The following CLN3 variants were observed in gnomAD, a reference collection of about 807,000 sequenced individuals.
CLN3 encodes CLN3 lysosomal/endosomal transmembrane protein, battenin.
CLN3 carries 49 observed loss-of-function variants against 60.7 expected under a neutral mutation model. The ratio of observed to expected loss-of-function variants is 0.81; its 90% confidence interval spans 0.64 to 1.02. The LOEUF is 1.02. Among genes scored for constraint, CLN3 ranks in the 50% least tolerant of loss-of-function variants. The probability of loss-of-function intolerance (pLI) is 0.00; values close to 1 mark genes in which losing one functional copy is unlikely to be tolerated. For missense variants in CLN3, 516 were observed against 557.4 expected (o/e 0.93, Z 0.75); for synonymous variants, 256 against 245.8 (o/e 1.04, Z -0.39).
chr16:28,489,877 A>C (rs2046283765), intron 3 of CLN3, among the ~76,000 whole-genome samples: 1 of 150,966 alleles, frequency 6.6e-6, no homozygotes, highest in Admixed American at 6.6e-5. Context: ...AGCAATATGG[A>C]GAAACCCCGT....
chr16:28,491,093 A>G (rs199745492), intron 3 of CLN3: 13 of 79,504 alleles, frequency 1.6e-4, no homozygotes, highest in Non-Finnish European at 3.4e-4. Context: ...AATAAGATAA[A>G]ATAAAATAAA....
At position 28,487,489 on chromosome 16, in the gene CLN3, C is replaced by T. The variant is rs904694610; in HGVS notation, c.427G>A (p.Ala143Thr). ...ICAAGSFVLV[A>T]FSHSVGTSLC... Reference sequence around the variant, plus strand: ...CTGGTCCCCACAGAATGAGAAAAGGCAACCAGGACGAAGCTTCCAGCAGCA... The same window carrying T: ...CTGGTCCCCACAGAATGAGAAAAGGTAACCAGGACGAAGCTTCCAGCAGCA... Residue 143 changes from alanine (A) to threonine (T), a missense_variant, in exon 7 of 16, where the codon GCC becomes ACC. Transcript: ENST00000636147. 2 of 1,614,024 alleles carry T rather than the reference C, an allele frequency of 1.2e-6. No individual in the cohort carries two copies. Among genetic ancestry groups the T allele is most frequent in the Middle Eastern group, 1.7e-4 (1 of 6,060 alleles).
chr16:28,488,543 A>T, intron 5 of CLN3, 48 bp downstream of exon 5: 1 of 1,569,570 alleles, frequency 6.4e-7, no homozygotes, highest in East Asian at 2.2e-5. Context: ...GGGTCTATAG[A>T]CCCAGGGGCC....
At position 28,477,915 on chromosome 16, in the gene CLN3, C is replaced by T. The variant is rs774004119; in HGVS notation, c.1057-38G>A. ...GGAGAGGCTAAGCCTGGGACCAGGG[C>T]GGGGCAGGGAAGGAGAGGTGGCCTC... On this transcript the variant is annotated intron_variant, in intron 14 of 15. Coordinates refer to ENST00000636147, the MANE Select transcript of CLN3 (RefSeq NM_001042432.2). 13 of 1,610,248 alleles carry T rather than the reference C, an allele frequency of 8.1e-6. No homozygotes were observed. In the South Asian group the frequency reaches 8.8e-5, roughly 11 times the overall value.
chr16:28,489,469 GCCCTTCAATCAGCC>G (rs1180438688), intron 3 of CLN3, 83 bp from the exon 4 acceptor site: 25 of 946,346 alleles, frequency 2.6e-5, no homozygotes, highest in Non-Finnish European at 4.2e-5. Flanking sequence ...CCTTACCTGT[GCCCTTCAATCAGCC>G]CCCTCTTTTT....
intron 14 of CLN3, among the ~76,000 whole-genome samples, chr16:28,480,750 G>A (rs1350676218): frequency 6.6e-6 from 1 of 152,158 alleles, no homozygotes; most frequent in African/African-American, 2.4e-5. Flanking sequence ...TGTCACAGTT[G>A]ACAGTTTATT....
downstream of CLN3, among the ~76,000 whole-genome samples, chr16:28,473,828 C>T (rs888219633): frequency 1.2e-4 from 18 of 152,064 alleles, no homozygotes; most frequent in Admixed American, 5.2e-4. Flanking sequence ...ACTATATGTA[C>T]GGTCAATAAG....
In CLN3 at chr16:28,477,796, A is replaced by G; in HGVS notation, c.1138T>C (p.Tyr380His). Residue 380 changes from tyrosine (Y) to histidine (H), a missense_variant, in exon 15 of 16, where the codon TAT (tyrosine) becomes CAT (histidine). Physicochemically the swap from Tyr to His is moderately conservative, Grantham distance 83. Coordinates refer to ENST00000636147, the MANE Select transcript of CLN3 (RefSeq NM_001042432.2). ...GCTGCGCCTCCCAGGAGCCCCTCAT[A>G]CAGAATGATCAGGAAGACGAGGTAG... ...SIYLVFLIIL[Y>H]EGLLGGAAYV... The G allele has an allele frequency of 6.2e-7, 1 of 1,614,210 alleles. No homozygotes were observed. The highest frequency in any genetic ancestry group is 8.5e-7 in the Non-Finnish European group (1 of 1,180,044).
At chr16:28,484,337 T>A in intron 9 of CLN3, 1 of 563,202 alleles carries the variant, frequency 1.8e-6, no homozygotes, top group Non-Finnish European at 3.2e-6. Flanking sequence ...TTCCTATTCA[T>A]GGGCCTTCAT....
intron 10 of CLN3, among the ~76,000 whole-genome samples, 196 bp downstream of exon 10, chr16:28,483,810 C>T (rs1021609889): frequency 2.6e-5 from 4 of 151,100 alleles, no homozygotes; most frequent in Non-Finnish European, 4.4e-5. Context: ...CCTGCCTCAG[C>T]CTCCCAAAGT....
downstream of CLN3, among the ~76,000 whole-genome samples, chr16:28,474,515 G>A (rs1262062551): frequency 2.0e-5 from 3 of 152,008 alleles, no homozygotes; most frequent in East Asian, 3.9e-4. Context: ...CCGGGGAGAC[G>A]GAGGTTGCGG....
chr16:28,490,309 T>A (rs1410949624), intron 3 of CLN3: 1 of 151,674 alleles, frequency 6.6e-6, no homozygotes, highest in Non-Finnish European at 1.5e-5. Context: ...CTGTGTCTGG[T>A]GGCACGCACC....
chr16:28,478,546 G>A (rs1353728162), intron 14 of CLN3, among the ~76,000 whole-genome samples: 1 of 149,458 alleles, frequency 6.7e-6, no homozygotes, highest in Non-Finnish European at 1.5e-5. Flanking sequence ...AACCTAGGAG[G>A]TGGAGGCTGC....
At chr16:28,488,795 G>T in intron 4 of CLN3, 133 bp from the exon 5 acceptor site, 1 of 826,426 alleles carries the variant, frequency 1.2e-6, no homozygotes, top group Non-Finnish European at 2.1e-6. Flanking sequence ...CAGGACCTCA[G>T]CGTCTCTGCA....
chr16:28,486,411 C>G lies in CLN3; in HGVS notation c.613G>C (p.Ala205Pro). The change falls in exon 9 of 16, where the codon GCC becomes CCC. Residue 205 changes from alanine to proline, a missense_variant. Coordinates refer to ENST00000636147, the MANE Select transcript of CLN3 (RefSeq NM_001042432.2). ...GALSYLGLTQ[A>P]GLSPQQTLLS... ...AGGGTCTGCTGAGGGGAGAGGCCGG[C>G]CTGGGTGAGGCCCAGGTAGGACAGG... 1.2e-6 allele frequency: 2 copies of G among 1,613,422 alleles called. No homozygotes were observed. The highest frequency in any genetic ancestry group is 1.7e-6 in the Non-Finnish European group (2 of 1,179,964).
chr16:28,487,987 G>A, intron 5 of CLN3: 1 of 498,676 alleles, frequency 2.0e-6, no homozygotes, highest in Admixed American at 3.2e-5. Flanking sequence ...TCACAGGACT[G>A]CTGTGTGGCT....
chr16:28,482,048 C>T, intron 14 of CLN3, 57 bp downstream of exon 14: 3 of 1,378,840 alleles, frequency 2.2e-6, no homozygotes, highest in Non-Finnish European at 3.1e-6. Flanking sequence ...TTTGGGGAAG[C>T]TGGGAGCCAA....
intron 7 of CLN3, chr16:28,486,949 C>G (rs2046230800): frequency 2.7e-5 from 12 of 440,356 alleles, no homozygotes; most frequent in Non-Finnish European, 4.2e-5. Flanking sequence ...CTCGCCCTGT[C>G]ACCCAGGCTG....
In CLN3 at chr16:28,491,135, C is replaced by T. The variant is rs141917967; in HGVS notation, c.125+347G>A. 1,439 of 269,676 alleles carry T rather than the reference C, an allele frequency of 5.3e-3. 25 individuals carry two copies. Among genetic ancestry groups the T allele is most frequent in the African/African-American group, 0.03 (1,362 of 45,446 alleles). The allele number at this position is 269,676 out of a possible 1,614,324, so 16.7% of individuals were successfully genotyped here. A position where few individuals can be genotyped will look rare whatever the true frequency, so the allele number is the denominator to read the frequency against. On this transcript the variant is annotated intron_variant, in intron 3 of 15. Transcript: ENST00000636147. The stretch of plus-strand genomic sequence containing the variant: ...AAATAAAAAAGTTTTAGTAGTGATG[C>T]ATTTATTTAAACGTTCACTAGGAAA...
Sources: gnomAD v4.1 joint callset for allele counts (sites outside exome capture counted in the v4.1 genomes callset) on GRCh38, gnomAD v4.1.1 for gene constraint, MANE v1.5 for transcripts, NCBI Gene and HGNC (gene_info 2026-07-23, HGNC 2026-07-21) for gene names.